The following GPR83 variants were observed in gnomAD, a reference collection of about 807,000 sequenced individuals.
GPR83 encodes G-protein coupled receptor 72.
In GPR83, 23 loss-of-function variants were observed where a neutral mutation model predicts 28.0. The observed-to-expected ratio is 0.82, with a 90% CI of 0.59 to 1.16. The LOEUF is 1.16. Ranked by LOEUF, GPR83 falls within the 50% of genes most tolerant of loss-of-function variation. GPR83 has a pLI of 0.00. For missense variants in GPR83, 610 were observed against 536.6 expected (o/e 1.14, Z -1.35); for synonymous variants, 234 against 215.4 (o/e 1.09, Z -0.76).
At chr11:94,381,402 T>C (rs1944686711) in intron 3 of GPR83, among the ~76,000 whole-genome samples, 1 of 151,736 alleles carries the variant, frequency 6.6e-6, no homozygotes, top group African/African-American at 2.4e-5. Context: ...AAGTCCTCCG[T>C]GTGGAAAGGT....
chr11:94,392,687 A>C (rs552264641), intron 3 of GPR83, among the ~76,000 whole-genome samples: 156 of 152,168 alleles, frequency 1.0e-3, no homozygotes, highest in African/African-American at 3.5e-3. Flanking sequence ...TTAGCTAGGC[A>C]TGATGGTGCG....
chr11:94,393,334 A>G (rs989366427), intron 3 of GPR83, 151 bp downstream of exon 3: 6 of 651,672 alleles, frequency 9.2e-6, no homozygotes, highest in Non-Finnish European at 1.6e-5. Flanking sequence ...AGGAGGTAAC[A>G]GGATGGGAGC....
chr11:94,396,673 A>G, intron 1 of GPR83, 149 bp from the exon 2 acceptor site: 2 of 700,260 alleles, frequency 2.9e-6, no homozygotes, highest in East Asian at 5.4e-5. Flanking sequence ...AGTAAACATG[A>G]TTTTCTCCAG....
chr11:94,383,654 C>T (rs995856307), intron 3 of GPR83, among the ~76,000 whole-genome samples: 34 of 152,128 alleles, frequency 2.2e-4, no homozygotes, highest in Non-Finnish European at 4.3e-4. Flanking sequence ...AAGGGGATAT[C>T]ACCACTGATC....
At position 94,379,081 on chromosome 11, in the gene GPR83, A is replaced by G. The variant is rs1281445809; in HGVS notation, c.*1068T>C. On this transcript the variant is annotated 3_prime_UTR_variant, in exon 4 of 4. Coordinates refer to ENST00000243673, the MANE Select transcript of GPR83 (RefSeq NM_016540.4). ...CAATCTAAATGAAAAAGTATAAATGAAAAAAAAGGGCCGGGCGGGGTGGCT... is the reference window on the plus strand; with the variant it reads ...CAATCTAAATGAAAAAGTATAAATGGAAAAAAAGGGCCGGGCGGGGTGGCT... The G allele has an allele frequency of 6.6e-6, 1 of 152,044 alleles. No individual in the cohort carries two copies. 9.4% of individuals were successfully genotyped at this position (152,044 alleles called of 1,614,324 possible). A position where few individuals can be genotyped will look rare whatever the true frequency, so the allele number is the denominator to read the frequency against.
Position 94,378,136 on chromosome 11 carries a change from A to G in GPR83, c.*2013T>C, listed in dbSNP as rs1042654849. 4 of 152,202 alleles carry G rather than the reference A, an allele frequency of 2.6e-5. No homozygotes were observed. The highest frequency in any genetic ancestry group is 9.7e-5 in the African/African-American group (4 of 41,450). The allele number at this position is 152,202 out of a possible 1,614,324, so 9.4% of individuals were successfully genotyped here. ...GGGCTTAGAAGACTCTGTCTGCCCAATGAAAGTCATGGTTTTGCCCATAAT... is the reference window on the plus strand; with the variant it reads ...GGGCTTAGAAGACTCTGTCTGCCCAGTGAAAGTCATGGTTTTGCCCATAAT... On this transcript the variant is annotated 3_prime_UTR_variant, in exon 4 of 4. Transcript: ENST00000243673.
At chr11:94,382,338 C>A (rs1944699987) in intron 3 of GPR83, among the ~76,000 whole-genome samples, 3 of 87,090 alleles carry the variant, frequency 3.4e-5, no homozygotes, top group African/African-American at 5.1e-5. Context: ...AGTGAAACAC[C>A]ATCTCAAAAA....
intron 3 of GPR83, among the ~76,000 whole-genome samples, chr11:94,382,624 T>A (rs1277398922): frequency 6.6e-6 from 1 of 152,094 alleles, no homozygotes; most frequent in East Asian, 1.9e-4. Context: ...GACAGATCAA[T>A]GAGACAGAAA....
At chr11:94,383,031 G>C (rs1944710043) in intron 3 of GPR83, among the ~76,000 whole-genome samples, 1 of 149,996 alleles carries the variant, frequency 6.7e-6, no homozygotes. Context: ...AGCCAGGCTT[G>C]GTAGCGGGCA....
At chr11:94,399,736 T>A (rs1221740879) in intron 1 of GPR83, among the ~76,000 whole-genome samples, 1 of 152,214 alleles carries the variant, frequency 6.6e-6, no homozygotes, top group Admixed American at 6.5e-5. Flanking sequence ...ATTGCTTTAG[T>A]AATCACTCAA....
At chr11:94,381,556 TGA>T (rs1259888094) in intron 3 of GPR83, among the ~76,000 whole-genome samples, 20 of 33,632 alleles carry the variant, frequency 5.9e-4, no homozygotes, top group African/African-American at 1.0e-3. Flanking sequence ...CAGGAGTGAG[TGA>T]GTGTGTGTGT....
At chr11:94,396,992 T>C (rs934350097) in intron 1 of GPR83, among the ~76,000 whole-genome samples, 3 of 152,126 alleles carry the variant, frequency 2.0e-5, no homozygotes, top group Admixed American at 1.3e-4. Context: ...TTATTAGAAG[T>C]AAATAGTAGC....
intron 3 of GPR83, among the ~76,000 whole-genome samples, chr11:94,387,557 C>A (rs1944773010): frequency 6.6e-6 from 1 of 152,156 alleles, no homozygotes; most frequent in Non-Finnish European, 1.5e-5. Context: ...CACCTCTATG[C>A]AAATAAACTA....
chr11:94,389,147 T>TCCTTACA (rs1944789206), intron 3 of GPR83, among the ~76,000 whole-genome samples: 1 of 152,164 alleles, frequency 6.6e-6, no homozygotes, highest in Non-Finnish European at 1.5e-5. Context: ...CTGGATCCCT[T>TCCTTACA]CCTTACACCT....
Position 94,400,727 on chromosome 11 carries a change from G to A in GPR83, c.387+134C>T, listed in dbSNP as rs1036978857. On this transcript the variant is annotated intron_variant, in intron 1 of 3. Transcript: ENST00000243673. ...GACAGAGGCAGAGGAGAGGAGAAATGAGGAGGAAGAGAGATGTGGAGAGAG... is the reference window on the plus strand; with the variant it reads ...GACAGAGGCAGAGGAGAGGAGAAATAAGGAGGAAGAGAGATGTGGAGAGAG... 9.9e-6 allele frequency: 7 copies of A among 710,556 alleles called. No homozygotes were observed. The East Asian group carries it at 1.6e-4, about 16-fold the overall frequency. 44.0% of individuals were successfully genotyped at this position (710,556 alleles called of 1,614,324 possible).
chr11:94,382,266 C>A (rs552929692), intron 3 of GPR83, among the ~76,000 whole-genome samples: 1 of 145,160 alleles, frequency 6.9e-6, no homozygotes, highest in Non-Finnish European at 1.5e-5. Context: ...GCAGGAGAAC[C>A]CAGGAGGCAG....
Position 94,380,715 on chromosome 11 carries a change from A to G in GPR83, c.706T>C (p.Trp236Arg), listed in dbSNP as rs766559352. The change falls in exon 4 of 4, where the codon TGG (tryptophan) becomes CGG (arginine). Residue 236 changes from tryptophan to arginine, a missense_variant. Trp to Arg is a moderately radical substitution (Grantham distance 101). Coordinates refer to ENST00000243673, the MANE Select transcript of GPR83 (RefSeq NM_016540.4). ...AAGGTGGCCAAGTCCAGGTACTTCC[A>G]GAAGAGGTCAGCTGGCTCAGGGAAG... ...PDFPEPADLFWKYLDLATFIL... is the reference protein window; with the variant it reads ...PDFPEPADLFRKYLDLATFIL... 5 of 1,612,918 alleles carry G rather than the reference A, an allele frequency of 3.1e-6. No individual in the cohort carries two copies. In the Admixed American group the frequency reaches 8.3e-5, roughly 27 times the overall value.
At chr11:94,396,066 G>A (rs747731693) in intron 2 of GPR83, among the ~76,000 whole-genome samples, 35 of 152,074 alleles carry the variant, frequency 2.3e-4, no homozygotes, top group Non-Finnish European at 4.0e-4. Context: ...CTAAAAGTAC[G>A]AAAACTAGCC....
chr11:94,377,955 CCTT>C lies in GPR83; in HGVS notation c.*2191_*2193del, dbSNP rs1417429775. The C allele has an allele frequency of 2.0e-5, 3 of 152,274 alleles. No individual in the cohort carries two copies. The highest frequency in any genetic ancestry group is 3.9e-4 in the East Asian group (2 of 5,184). The allele number at this position is 152,274 out of a possible 1,614,324, so 9.4% of individuals were successfully genotyped here. On this transcript the variant is annotated 3_prime_UTR_variant, in exon 4 of 4. Coordinates refer to ENST00000243673, the MANE Select transcript of GPR83 (RefSeq NM_016540.4). ...TCCATGCTTCCCAGAGCAGGACAAA[CCTT>C]CTGTATGCCTGCTGCCTTGTCTCAT...
Sources: gnomAD v4.1 joint callset for allele counts (sites outside exome capture counted in the v4.1 genomes callset) on GRCh38, gnomAD v4.1.1 for gene constraint, MANE v1.5 for transcripts, NCBI Gene and HGNC (gene_info 2026-07-23, HGNC 2026-07-21) for gene names.